Variants in NBAS observed in about 807,000 individuals in gnomAD.
The protein encoded by NBAS is NBAS subunit of NRZ tethering complex.
In NBAS, 219 loss-of-function variants were observed where a neutral mutation model predicts 302.5. The ratio of observed to expected loss-of-function variants is 0.72; its 90% CI spans 0.65 to 0.81. NBAS has a LOEUF of 0.81. Among genes scored for constraint, NBAS ranks in the 30% least tolerant of loss-of-function variants. The pLI is 0.00. For missense variants in NBAS, 2,932 were observed against 2,841.6 expected (o/e 1.03, Z -0.72); for synonymous variants, 1,118 against 1,021.6 (o/e 1.09, Z -1.80).
chr2:15,138,900 C>T, the NBAS span, among the ~76,000 whole-genome samples: 1 of 152,312 alleles, frequency 6.6e-6, no homozygotes, highest in Non-Finnish European at 1.5e-5. Flanking sequence ...TCCAAGAAGT[C>T]ACCTTATTCT....
chr2:14,834,387 T>C, the NBAS span, among the ~76,000 whole-genome samples: 1 of 152,168 alleles, frequency 6.6e-6, no homozygotes, highest in Non-Finnish European at 1.5e-5. Context: ...TTGAGTGCTC[T>C]CTCAGCTTTC....
chr2:15,204,153 T>C (rs1666029565), intron 48 of NBAS, among the ~76,000 whole-genome samples: 1 of 151,642 alleles, frequency 6.6e-6, no homozygotes. Context: ...CTCAGTGACT[T>C]GGAAGGCTGA....
chr2:15,034,026 A>AAG, the NBAS span, among the ~76,000 whole-genome samples: 2 of 50,084 alleles, frequency 4.0e-5, 1 homozygote, highest in Non-Finnish European at 7.2e-5. Flanking sequence ...AAGAAGAAGA[A>AAG]GAGGAGGAGG....
At chr2:15,203,831 C>T (rs1411177556) in intron 48 of NBAS, among the ~76,000 whole-genome samples, 2 of 150,866 alleles carry the variant, frequency 1.3e-5, no homozygotes, top group Admixed American at 6.6e-5. Flanking sequence ...ATAAGATAAT[C>T]ATACTGAAGG....
chr2:15,276,866 T>C lies in NBAS; in HGVS notation c.5374A>G (p.Lys1792Glu), dbSNP rs747349750. Residue 1792 changes from lysine (K) to glutamate (E), a missense_variant, in exon 43 of 52, where the codon AAG becomes GAG. Physicochemically the swap from Lys to Glu is moderately conservative, Grantham distance 56 (BLOSUM62 1). Transcript: ENST00000281513. ...ACCATCCTACCTGATGCAACAACCT[T>C]AAACTTCTTCAGCAGTCGAATGTGG... Reference protein sequence around the residue: ...ETHIRLLKKFKVVASGLNYKK... With the variant: ...ETHIRLLKKFEVVASGLNYKK... 1.3e-5 allele frequency: 21 copies of C among 1,613,940 alleles called. 1 individual carries two copies. In the South Asian group the frequency reaches 2.0e-4, roughly 15 times the overall value.
At chr2:15,212,514 A>T (rs1666458689) in intron 48 of NBAS, among the ~76,000 whole-genome samples, 1 of 152,120 alleles carries the variant, frequency 6.6e-6, no homozygotes, top group Admixed American at 6.5e-5. Context: ...GCTTCCAGAC[A>T]CAGTGGCTGC....
chr2:15,169,521 G>T (rs1382492798), intron 51 of NBAS, among the ~76,000 whole-genome samples: 1 of 152,170 alleles, frequency 6.6e-6, no homozygotes, highest in Non-Finnish European at 1.5e-5. Flanking sequence ...AGAGGCCCTT[G>T]AAGTCTTCAG....
the NBAS span, among the ~76,000 whole-genome samples, chr2:14,918,705 G>A: frequency 6.6e-6 from 1 of 152,190 alleles, no homozygotes; most frequent in South Asian, 2.1e-4. Flanking sequence ...TTCCTACAAA[G>A]GCCACAGCAT....
At chr2:15,392,024 A>G (rs1675632717) in intron 28 of NBAS, among the ~76,000 whole-genome samples, 1 of 151,382 alleles carries the variant, frequency 6.6e-6, no homozygotes, top group Non-Finnish European at 1.5e-5. Context: ...AGCACTACCA[A>G]AAAAAAAATT....
chr2:14,906,649 C>A, the NBAS span, among the ~76,000 whole-genome samples: 1 of 152,134 alleles, frequency 6.6e-6, no homozygotes, highest in Non-Finnish European at 1.5e-5. Context: ...CTGGGGGTGG[C>A]ATGGGCTGCC....
the NBAS span, among the ~76,000 whole-genome samples, chr2:14,981,355 C>A: frequency 6.6e-6 from 1 of 152,226 alleles, no homozygotes; most frequent in African/African-American, 2.4e-5. Flanking sequence ...ACAGAAAATT[C>A]TCTATCCAGT....
chr2:15,472,094 T>C (rs2148581544), intron 16 of NBAS, among the ~76,000 whole-genome samples: 1 of 152,322 alleles, frequency 6.6e-6, no homozygotes, highest in Non-Finnish European at 1.5e-5. Context: ...TACCTATTTA[T>C]TGCCTCTCAG....
chr2:15,076,050 T>C, the NBAS span, among the ~76,000 whole-genome samples: 3 of 152,204 alleles, frequency 2.0e-5, no homozygotes, highest in Admixed American at 6.5e-5. Flanking sequence ...AGAGTGACTT[T>C]GAAGAGCCAT....
the NBAS span, among the ~76,000 whole-genome samples, chr2:15,060,492 T>C: frequency 6.6e-6 from 1 of 152,130 alleles, no homozygotes; most frequent in Non-Finnish European, 1.5e-5. Context: ...CCCCTGTTTA[T>C]TCCTCCCCTG....
the NBAS span, among the ~76,000 whole-genome samples, chr2:15,109,747 T>C: frequency 6.6e-6 from 1 of 152,078 alleles, no homozygotes; most frequent in Admixed American, 6.6e-5. Flanking sequence ...TCATGAGAGC[T>C]GCACCCTCAT....
the NBAS span, among the ~76,000 whole-genome samples, chr2:15,154,368 G>A: frequency 6.6e-6 from 1 of 152,174 alleles, no homozygotes; most frequent in African/African-American, 2.4e-5. Flanking sequence ...TGCTGTAGCG[G>A]GACAGAGTTG....
the NBAS span, among the ~76,000 whole-genome samples, chr2:15,079,169 A>T: frequency 1.3e-5 from 2 of 152,132 alleles, no homozygotes; most frequent in Admixed American, 1.3e-4. Context: ...GTACCAGATT[A>T]ATCTCAAAGG....
At chr2:15,517,284 T>G (rs887241062) in intron 9 of NBAS, among the ~76,000 whole-genome samples, 1 of 152,140 alleles carries the variant, frequency 6.6e-6, no homozygotes, top group Admixed American at 6.6e-5. Flanking sequence ...AGTTTTTTGA[T>G]CCCCACAGTA....
At chr2:15,139,544 A>T in the NBAS span, among the ~76,000 whole-genome samples, 2 of 151,994 alleles carry the variant, frequency 1.3e-5, no homozygotes, top group Non-Finnish European at 2.9e-5. Context: ...GCAAGTGTAT[A>T]CACACTATAT....
Sources: allele counts gnomAD v4.1 joint callset (sites outside exome capture counted in the v4.1 genomes callset), GRCh38; gene constraint gnomAD v4.1.1; transcripts MANE v1.5; gene names NCBI Gene and HGNC (gene_info 2026-07-23, HGNC 2026-07-21).